Variants in ZNF200 observed in about 807,000 individuals in gnomAD.
ZNF200 encodes zinc finger protein 200.
ZNF200 carries 35 observed loss-of-function variants against 33.6 expected under a neutral mutation model. The observed-to-expected ratio is 1.04, with a 90% CI of 0.80 to 1.38. The LOEUF (loss-of-function observed/expected upper bound fraction) is 1.38. ZNF200 is among the 40% of genes most tolerant of loss of function. The pLI is 0.00. For missense variants in ZNF200, 592 were observed against 470.6 expected (o/e 1.26, Z -2.39); for synonymous variants, 209 against 167.7 (o/e 1.25, Z -1.90).
chr16:3,232,673 G>A, intron 3 of ZNF200, 126 bp from the exon 4 acceptor site: 1 of 1,480,508 alleles, frequency 6.8e-7, no homozygotes, highest in Non-Finnish European at 9.1e-7. Flanking sequence ...ATCCCACAGA[G>A]GTGCAGCAAA....
rs1958422974 is a variant in ZNF200 at position 3,224,684 on chromosome 16, T to C, written c.467-71A>G. The C allele has an allele frequency of 1.9e-5, 28 of 1,506,054 alleles. 1 individual carries two copies. In the South Asian group the frequency reaches 3.0e-4, roughly 16 times the overall value. The allele number at this position is 1,506,054 out of a possible 1,614,324, so 93.3% of individuals were successfully genotyped here. ...ACCAGGCAGGAAAAAACAAGTCAGG[T>C]TTCTTATGCCACAGCCACCTTGAAC... is the stretch of plus-strand genomic sequence containing the variant. On this transcript the variant is annotated intron_variant, in intron 4 of 4. Transcript: ENST00000414144.
At chr16:3,228,040 A>ATT (rs71158155) in intron 4 of ZNF200, among the ~76,000 whole-genome samples, 14 of 149,496 alleles carry the variant, frequency 9.4e-5, no homozygotes, top group African/African-American at 3.4e-4. Context: ...AAAACATAGT[A>ATT]TTTTTTTTTT....
chr16:3,223,810 T>A lies in ZNF200; in HGVS notation c.*82A>T. On this transcript the variant is annotated 3_prime_UTR_variant, in exon 5 of 5. Transcript: ENST00000414144. ...AGATTTTTACACATTTATACCTTTTTAGGCAGCTTGGGAATTCAGAACTAC... is the reference window on the plus strand; with the variant it reads ...AGATTTTTACACATTTATACCTTTTAAGGCAGCTTGGGAATTCAGAACTAC... 1 of 1,506,650 alleles carries A rather than the reference T, an allele frequency of 6.6e-7. No individual in the cohort carries two copies. The highest frequency in any genetic ancestry group is 8.8e-7 in the Non-Finnish European group (1 of 1,132,566). The allele number at this position is 1,506,650 out of a possible 1,614,324, so 93.3% of individuals were successfully genotyped here.
chr16:3,232,782 C>G (rs1298726485), intron 3 of ZNF200, 51 bp downstream of exon 3: 1 of 1,590,378 alleles, frequency 6.3e-7, no homozygotes, highest in South Asian at 1.1e-5. Context: ...ACAGGTTGGC[C>G]AAGCACGGAA....
At chr16:3,232,353 TAAA>T in intron 4 of ZNF200, 65 bp downstream of exon 4, 1 of 1,562,450 alleles carries the variant, frequency 6.4e-7, no homozygotes, top group Non-Finnish European at 8.7e-7. Context: ...CCCCCAAAGC[TAAA>T]GAGATGAAGG....
chr16:3,231,111 G>A (rs911650549), intron 4 of ZNF200, among the ~76,000 whole-genome samples: 2 of 152,168 alleles, frequency 1.3e-5, no homozygotes, highest in Non-Finnish European at 2.9e-5. Flanking sequence ...TTCAGGGTAC[G>A]GGTGGAGGAA....
chr16:3,232,824 C>A lies in ZNF200; in HGVS notation c.339+9G>T. 1 of 1,613,432 alleles carries A rather than the reference C, an allele frequency of 6.2e-7. No individual in the cohort carries two copies. Among genetic ancestry groups the A allele is most frequent in the South Asian group, 1.1e-5 (1 of 91,028 alleles). The stretch of plus-strand genomic sequence containing the variant: ...GGATTCAGGCAGTAAATGGGAAAAC[C>A]AAACCCACCTCAGGGTTAGCTTTCA... On this transcript the variant is annotated intron_variant, in intron 3 of 4. Coordinates refer to ENST00000414144, the MANE Select transcript of ZNF200 (RefSeq NM_198088.3).
At chr16:3,234,502 G>A (rs1958745847) in intron 1 of ZNF200, 1 of 152,404 alleles carries the variant, frequency 6.6e-6, no homozygotes, top group Non-Finnish European at 1.5e-5. Flanking sequence ...GAAAGACGGT[G>A]TGTAAAACCC....
Position 3,223,882 on chromosome 16 carries a change from G to C in ZNF200, c.*10C>G. 6.3e-7 allele frequency: 1 copy of C among 1,599,134 alleles called. No individual in the cohort carries two copies. Among genetic ancestry groups the C allele is most frequent in the Non-Finnish European group, 8.5e-7 (1 of 1,172,542 alleles). Reference sequence around the variant, plus strand: ...GGCAGCACCATCAGACCCAGAAAGGGTTCCCAGTATTACTTCTGCTTTCGG... The same window carrying C: ...GGCAGCACCATCAGACCCAGAAAGGCTTCCCAGTATTACTTCTGCTTTCGG... On this transcript the variant is annotated 3_prime_UTR_variant, in exon 5 of 5. Transcript: ENST00000414144.
Position 3,232,827 on chromosome 16 carries a change from A to C in ZNF200, c.339+6T>G. ...TTCAGGCAGTAAATGGGAAAACCAA[A>C]CCCACCTCAGGGTTAGCTTTCAAAT... On this transcript the variant is annotated splice_donor_region_variant and intron_variant, in intron 3 of 4. Transcript: ENST00000414144. 6.2e-7 allele frequency: 1 copy of C among 1,613,598 alleles called. No homozygotes were observed. Among genetic ancestry groups the C allele is most frequent in the Non-Finnish European group, 8.5e-7 (1 of 1,179,676 alleles).
At chr16:3,232,601 C>A in intron 3 of ZNF200, 54 bp from the exon 4 acceptor site, 1 of 1,600,176 alleles carries the variant, frequency 6.2e-7, no homozygotes, top group South Asian at 1.1e-5. Flanking sequence ...ACTGACAGCC[C>A]TACTGGTAAG....
rs1958354014 is a variant in ZNF200 at position 3,222,525 on chromosome 16, G to A, written c.*1367C>T. The A allele has an allele frequency of 6.6e-6, 1 of 152,174 alleles. No homozygotes were observed. Among genetic ancestry groups the A allele is most frequent in the African/African-American group, 2.4e-5 (1 of 41,534 alleles). 9.4% of individuals were successfully genotyped at this position (152,174 alleles called of 1,614,324 possible). On this transcript the variant is annotated 3_prime_UTR_variant, in exon 5 of 5. Coordinates refer to ENST00000414144, the MANE Select transcript of ZNF200 (RefSeq NM_198088.3). Reference sequence around the variant, plus strand: ...ACAATAACAAAATTGTGTAAAACAAGTGAAGAAAATTAGAAAAATTTTCAC... The same window carrying A: ...ACAATAACAAAATTGTGTAAAACAAATGAAGAAAATTAGAAAAATTTTCAC...
intron 1 of ZNF200, among the ~76,000 whole-genome samples, chr16:3,234,432 G>A (rs1958740811): frequency 6.6e-6 from 1 of 151,718 alleles, no homozygotes; most frequent in Admixed American, 6.6e-5. Flanking sequence ...AAGGAAAGAA[G>A]GAGGAAGGGA....
chr16:3,232,837 G>A lies in ZNF200; in HGVS notation c.335C>T (p.Pro112Leu). 1.2e-6 allele frequency: 2 copies of A among 1,613,840 alleles called. No individual in the cohort carries two copies. The highest frequency in any genetic ancestry group is 1.7e-6 in the Non-Finnish European group (2 of 1,179,830). The stretch of plus-strand genomic sequence containing the variant: ...AAATGGGAAAACCAAACCCACCTCA[G>A]GGTTAGCTTTCAAATACAGAGACAC... Reference protein sequence around the residue: ...ETVSLYLKANPEELVVFEDLN... With the variant: ...ETVSLYLKANLEELVVFEDLN... Residue 112 changes from proline to leucine, a missense_variant, in exon 3 of 5, where the codon CCT (proline) becomes CTT (leucine). By Grantham distance (98) the Pro-to-Leu change is moderately conservative (BLOSUM62 -3). Coordinates refer to ENST00000414144, the MANE Select transcript of ZNF200 (RefSeq NM_198088.3).
rs776236903 is a variant in ZNF200 at position 3,233,487 on chromosome 16, A to C, written c.250+19T>G. ...TACCTCCTCCTCCTCTTCTAGTGAA[A>C]CAAGCATGTGCTTCTCACCTCTGTT... On this transcript the variant is annotated intron_variant, in intron 2 of 4. Coordinates refer to ENST00000414144, the MANE Select transcript of ZNF200 (RefSeq NM_198088.3). 9 of 1,504,398 alleles carry C rather than the reference A, an allele frequency of 6.0e-6. No individual in the cohort carries two copies. The highest frequency in any genetic ancestry group is 8.0e-6 in the Non-Finnish European group (9 of 1,128,182). 93.2% of individuals were successfully genotyped at this position (1,504,398 alleles called of 1,614,324 possible). A position where few individuals can be genotyped will look rare whatever the true frequency, so the allele number is the denominator to read the frequency against.
intron 1 of ZNF200, 57 bp from the exon 2 acceptor site, chr16:3,233,893 C>T: frequency 2.9e-6 from 4 of 1,398,458 alleles, no homozygotes; most frequent in Non-Finnish European, 3.8e-6. Flanking sequence ...TTACTGCACT[C>T]CAATATGTGG....
At chr16:3,227,051 C>G (rs1282721743) in intron 4 of ZNF200, 1 of 152,230 alleles carries the variant, frequency 6.6e-6, no homozygotes, top group African/African-American at 2.4e-5. Context: ...AGTGATTCTC[C>G]TTCCTCAGCC....
intron 2 of ZNF200, 73 bp downstream of exon 2, chr16:3,233,429 ATAAC>A (rs1958698498): frequency 5.4e-6 from 8 of 1,472,866 alleles, no homozygotes; most frequent in Non-Finnish European, 4.5e-6. Flanking sequence ...ACTTGAATTT[ATAAC>A]TAACACAGAA....
chr16:3,223,033 T>A lies in ZNF200; in HGVS notation c.*859A>T, dbSNP rs909821252. On this transcript the variant is annotated 3_prime_UTR_variant, in exon 5 of 5. Transcript: ENST00000414144. Reference sequence around the variant, plus strand: ...TGCCTCCAGGTTGACCCTTCCTCTCTGGGTCTTGGGGTTTCCTTCGTAGCA... The same window carrying A: ...TGCCTCCAGGTTGACCCTTCCTCTCAGGGTCTTGGGGTTTCCTTCGTAGCA... 6 of 152,300 alleles carry A rather than the reference T, an allele frequency of 3.9e-5. No homozygotes were observed. The highest frequency in any genetic ancestry group is 1.4e-4 in the African/African-American group (6 of 41,446). 9.4% of individuals were successfully genotyped at this position (152,300 alleles called of 1,614,324 possible).
Sources: allele counts gnomAD v4.1 joint callset (sites outside exome capture counted in the v4.1 genomes callset), GRCh38; gene constraint gnomAD v4.1.1; transcripts MANE v1.5; gene names NCBI Gene and HGNC (gene_info 2026-07-23, HGNC 2026-07-21).